MYO15A: variants seen among roughly 807,000 people sequenced by gnomAD.
The protein encoded by MYO15A is unconventional myosin-XV.
MYO15A carries 308 observed loss-of-function variants against 394.6 expected under a neutral mutation model. That is an observed-to-expected ratio of 0.78 (90% CI 0.71 to 0.86). The LOEUF is 0.86. Ranked by LOEUF, MYO15A falls within the 40% of genes least tolerant of loss-of-function variation. The pLI is 0.00. For synonymous variants in MYO15A, 1,957 were observed against 2,003.8 expected, an observed-to-expected ratio of 0.98 and a Z score of 0.62; for missense variants, 4,606 against 4,799.1, an observed-to-expected ratio of 0.96 and a Z score of 1.19.
Position 18,121,661 on chromosome 17 carries a change from C to T in MYO15A, c.2861C>T (p.Ser954Phe), listed in dbSNP as rs76735629. 2 of 1,373,076 alleles carry T rather than the reference C, an allele frequency of 1.5e-6. No homozygotes were observed. 85.1% of individuals were successfully genotyped at this position (1,373,076 alleles called of 1,614,324 possible). A position where few individuals can be genotyped will look rare whatever the true frequency, so the allele number is the denominator to read the frequency against. The change falls in exon 2 of 66, where the codon TCC becomes TTC. Residue 954 changes from serine (S) to phenylalanine (F), a missense_variant. By Grantham distance (155) the Ser-to-Phe change is radical (BLOSUM62 -2). This residue lies in a region of MYO15A where 1,830 missense variants were observed against 1,689.7 expected (regional missense o/e 1.08). Coordinates refer to ENST00000647165, the MANE Select transcript of MYO15A (RefSeq NM_016239.4). The surrounding 1 kb of genome is among the most constrained non-coding windows in gnomAD (Gnocchi z 5.3). The stretch of plus-strand genomic sequence containing the variant: ...GGTGCAGGCAGCCGCCGAGGCTTTT[C>T]CAGGCCACCCCCTGTGCCGGAAAAC... ...PGGAGSRRGF[S>F]RPPPVPENPF...
intron 7 of MYO15A, among the ~76,000 whole-genome samples, chr17:18,128,298 C>CTCAGGAG (rs1479498616): frequency 2.6e-5 from 4 of 152,170 alleles, no homozygotes; most frequent in African/African-American, 4.8e-5. Flanking sequence ...GCACCACCAG[C>CTCAGGAG]CTGGAGCTCA....
rs752465669 is a variant in MYO15A at position 18,122,265 on chromosome 17, C to G, written c.3465C>G (p.Ser1155=). The G allele has an allele frequency of 2.4e-5, 38 of 1,613,060 alleles. No homozygotes were observed. The highest frequency in any genetic ancestry group is 5.1e-6 in the Non-Finnish European group (6 of 1,180,024). The change falls in exon 2 of 66, where the codon TCC becomes TCG. Residue 1155 remains serine, a synonymous_variant. Coordinates refer to ENST00000647165, the MANE Select transcript of MYO15A (RefSeq NM_016239.4). ...CAAGAGCCTGTAGTCTTCGCTGGTC[C>G]TGCCTCTGGCTTCGGGCAGATGCCT... ...PKPRACSLRW[S]CLWLRADAYG...
chr17:18,152,212 AG>A (rs1447343315), intron 42 of MYO15A, 28 bp downstream of exon 42: 2 of 1,332,176 alleles, frequency 1.5e-6, no homozygotes, highest in African/African-American at 2.9e-5. Flanking sequence ...GAGGGAGGGG[AG>A]GGTGTCCAAG....
At position 18,139,739 on chromosome 17, in the gene MYO15A, C is replaced by T. The variant is rs1249246160; in HGVS notation, c.5211+128C>T. ...CCGCTTAGCTTTGGCCAGACAAAGA[C>T]AAGGGTGGCCTGGACACCCTGTTCC... On this transcript the variant is annotated intron_variant, in intron 19 of 65. Transcript: ENST00000647165. 2.6e-6 allele frequency: 3 copies of T among 1,134,996 alleles called. No homozygotes were observed. In the African/African-American group the frequency reaches 4.6e-5, roughly 17 times the overall value. The allele number at this position is 1,134,996 out of a possible 1,614,324, so 70.3% of individuals were successfully genotyped here.
chr17:18,138,573 AG>A (rs2046322117), intron 17 of MYO15A, among the ~76,000 whole-genome samples: 2 of 152,186 alleles, frequency 1.3e-5, no homozygotes, highest in African/African-American at 4.8e-5. Flanking sequence ...GTTGGCCTGG[AG>A]GGGAGGCAGT....
At position 18,158,563 on chromosome 17, in the gene MYO15A, A is replaced by T; in HGVS notation, c.9008A>T (p.Asp3003Val). Reference sequence around the variant, plus strand: ...GCCCGCTCTGCTGACCATGGGGAGGACGCCCTGGCGCTCCCACCCTACACA... The same window carrying T: ...GCCCGCTCTGCTGACCATGGGGAGGTCGCCCTGGCGCTCCCACCCTACACA... ...VRARSADHGE[D>V]ALALPPYTML... The change falls in exon 52 of 66, where the codon GAC (aspartate) becomes GTC (valine). Residue 3003 changes from aspartate (D) to valine (V), a missense_variant. Transcript: ENST00000647165. 6.2e-7 allele frequency: 1 copy of T among 1,613,994 alleles called. No individual in the cohort carries two copies. The highest frequency in any genetic ancestry group is 8.5e-7 in the Non-Finnish European group (1 of 1,179,978).
rs757155918 is a variant in MYO15A, at chr17:18,126,434, C to T, written c.3844C>T (p.Arg1282Trp). 4.6e-5 allele frequency: 75 copies of T among 1,613,680 alleles called. No individual in the cohort carries two copies. The highest frequency in any genetic ancestry group is 1.6e-4 in the Middle Eastern group (1 of 6,082). The change falls in exon 5 of 66, where the codon CGG becomes TGG. Residue 1282 changes from arginine (R) to tryptophan (W), a missense_variant. This residue lies in a region of MYO15A where 2,776 missense variants were observed against 3,109.3 expected (regional missense o/e 0.89). Transcript: ENST00000647165. ...GGAGCAGGTGCAGCAGTACAACGGA[C>T]GGGCCCTGGGAGAGAATCCCCCGTG... ...GPEQVQQYNG[R>W]ALGENPPHLF...
chr17:18,179,503 A>C lies in MYO15A; in HGVS notation c.*633A>C. On this transcript the variant is annotated 3_prime_UTR_variant, in exon 66 of 66. Transcript: ENST00000647165. ...ACTGCCTATGAACAGACCATCCCCCACTCCTTGGGTATCCCCAACCCCAGA... is the reference window on the plus strand; with the variant it reads ...ACTGCCTATGAACAGACCATCCCCCCCTCCTTGGGTATCCCCAACCCCAGA... The C allele has an allele frequency of 6.4e-6, 1 of 156,846 alleles. No individual in the cohort carries two copies. The highest frequency in any genetic ancestry group is 1.4e-5 in the Non-Finnish European group (1 of 70,742). The allele number at this position is 156,846 out of a possible 1,614,324, so 9.7% of individuals were successfully genotyped here.
chr17:18,125,538 CAAAAA>C, intron 4 of MYO15A: 1 of 283,682 alleles, frequency 3.5e-6, no homozygotes, highest in Non-Finnish European at 6.8e-6. Flanking sequence ...ACTAAAAATA[CAAAAA>C]AAAAAAAAAA....
In MYO15A at chr17:18,141,116, GC is replaced by G. The variant is rs769016969; in HGVS notation, c.5506del (p.Leu1836CysfsTer13). 3.2e-5 allele frequency: 52 copies of G among 1,613,786 alleles called. No individual in the cohort carries two copies. The highest frequency in any genetic ancestry group is 4.3e-5 in the Non-Finnish European group (51 of 1,180,040). ...ATCCGCAAGGAGGGATTTCCAGTGC[GC>G]CTGCCTTTCCAGGGGTTCATCGACA... is the stretch of plus-strand genomic sequence containing the variant. ...VRIRKEGFPV[R>X]LPFQGFIDRY... is the part of the protein sequence containing the mutation. On this transcript the variant is annotated frameshift_variant, in exon 22 of 66. Transcript: ENST00000647165. LOFTEE classifies it high-confidence loss of function.
rs1362203007 is a variant in MYO15A, at chr17:18,127,154, G to A, written c.4021G>A (p.Val1341Ile). 1 of 1,614,030 alleles carries A rather than the reference G, an allele frequency of 6.2e-7. No individual in the cohort carries two copies. The highest frequency in any genetic ancestry group is 8.5e-7 in the Non-Finnish European group (1 of 1,180,018). ...YLAAMNQKRE[V>I]MQQIKILEAT... is the part of the protein sequence containing the mutation. The stretch of plus-strand genomic sequence containing the variant: ...GGCCGCCATGAACCAGAAACGGGAG[G>A]TCATGCAGCAGGTGAGTCTACCTGT... The change falls in exon 7 of 66, where the codon GTC becomes ATC. Residue 1341 changes from valine (V) to isoleucine (I), a missense_variant. By Grantham distance (29) the Val-to-Ile change is conservative (BLOSUM62 3). Coordinates refer to ENST00000647165, the MANE Select transcript of MYO15A (RefSeq NM_016239.4).
intron 18 of MYO15A, 168 bp from the exon 19 acceptor site, chr17:18,139,366 C>G: frequency 1.3e-6 from 1 of 758,982 alleles, no homozygotes; most frequent in South Asian, 1.6e-5. Context: ...AGGCCAAGAC[C>G]CAGGTTGGTC....
Position 18,118,654 on chromosome 17 carries a change from C to G in MYO15A, c.-147C>G. ...CCCGGAATCCTGGCTCGGCCCTCCCCACGCCACCCAGGGCCAGTCGGGTCT... is the reference window on the plus strand; with the variant it reads ...CCCGGAATCCTGGCTCGGCCCTCCCGACGCCACCCAGGGCCAGTCGGGTCT... On this transcript the variant is annotated 5_prime_UTR_variant, in exon 2 of 66. Transcript: ENST00000647165. 1 of 1,268,512 alleles carries G rather than the reference C, an allele frequency of 7.9e-7. No individual in the cohort carries two copies. Among genetic ancestry groups the G allele is most frequent in the South Asian group, 1.5e-5 (1 of 68,428 alleles). The allele number at this position is 1,268,512 out of a possible 1,614,324, so 78.6% of individuals were successfully genotyped here. A position where few individuals can be genotyped will look rare whatever the true frequency, so the allele number is the denominator to read the frequency against.
At chr17:18,115,285 CT>C (rs1461806736) in intron 1 of MYO15A, among the ~76,000 whole-genome samples, 4 of 152,158 alleles carry the variant, frequency 2.6e-5, no homozygotes, top group Admixed American at 6.5e-5. Flanking sequence ...ACCCTCACTC[CT>C]GCAGCCGCTT....
At chr17:18,126,918 C>T in intron 6 of MYO15A, 53 bp downstream of exon 6, 2 of 1,607,410 alleles carry the variant, frequency 1.2e-6, no homozygotes, top group Non-Finnish European at 8.5e-7. Flanking sequence ...AGGTAGCAGG[C>T]CTGCATCTGG....
rs761033752 is a variant in MYO15A, at chr17:18,147,985, G to T, written c.6510-44G>T. 5.3e-5 allele frequency: 85 copies of T among 1,612,824 alleles called. 1 individual carries two copies. The highest frequency in any genetic ancestry group is 6.9e-5 in the Non-Finnish European group (81 of 1,179,264). ...CCCCGCAGCCCTCAGCCCCAAGCTA[G>T]CTTCAGATCCTTCTTGATCCTGGCT... On this transcript the variant is annotated intron_variant, in intron 30 of 65. Coordinates refer to ENST00000647165, the MANE Select transcript of MYO15A (RefSeq NM_016239.4). This position sits in a 1 kb window ranked among gnomAD's most constrained non-coding sequence, Gnocchi z 4.4.
Position 18,121,025 on chromosome 17 carries a change from G to A in MYO15A, c.2225G>A (p.Arg742Gln), listed in dbSNP as rs772776336. ...GACCTACTAGCCTTCCCAGGGCCCC[G>A]ACCCTCGTTCAGGGGCTCCCGCCGG... ...PPDLLAFPGPRPSFRGSRRRG... is the reference protein window; with the variant it reads ...PPDLLAFPGPQPSFRGSRRRG... The change falls in exon 2 of 66, where the codon CGA becomes CAA. Residue 742 changes from arginine (R) to glutamine (Q), a missense_variant. This residue lies in a region of MYO15A where 1,830 missense variants were observed against 1,689.7 expected (regional missense o/e 1.08). Transcript: ENST00000647165. The surrounding 1 kb of genome is among the most constrained non-coding windows in gnomAD (Gnocchi z 5.3). The A allele has an allele frequency of 6.6e-7, 1 of 1,508,886 alleles. No individual in the cohort carries two copies. 93.5% of individuals were successfully genotyped at this position (1,508,886 alleles called of 1,614,324 possible). A position where few individuals can be genotyped will look rare whatever the true frequency, so the allele number is the denominator to read the frequency against.
chr17:18,159,100 T>G, intron 53 of MYO15A, 103 bp downstream of exon 53: 2 of 1,418,976 alleles, frequency 1.4e-6, no homozygotes, highest in Non-Finnish European at 2.0e-6. Flanking sequence ...TGAGACCCTC[T>G]GATTCTCAGC....
In MYO15A at chr17:18,155,230, G is replaced by A. The variant is rs752773977; in HGVS notation, c.8340+5G>A. 3 of 1,613,818 alleles carry A rather than the reference G, an allele frequency of 1.9e-6. No homozygotes were observed. The highest frequency in any genetic ancestry group is 2.7e-5 in the African/African-American group (2 of 74,928). ...TCCCGCATCTTCCCCGCCACGGTGCGAGCCCCTCACTTGCCCCCTACCTGT... is the reference window on the plus strand; with the variant it reads ...TCCCGCATCTTCCCCGCCACGGTGCAAGCCCCTCACTTGCCCCCTACCTGT... On this transcript the variant is annotated splice_donor_5th_base_variant and intron_variant, in intron 46 of 65. Coordinates refer to ENST00000647165, the MANE Select transcript of MYO15A (RefSeq NM_016239.4).
Sources: allele counts gnomAD v4.1 joint callset (sites outside exome capture counted in the v4.1 genomes callset), GRCh38; gene constraint gnomAD v4.1.1; regional missense constraint gnomAD v4.1.1; non-coding constraint Gnocchi (gnomAD v3.1); transcripts MANE v1.5; gene names NCBI Gene and HGNC (gene_info 2026-07-23, HGNC 2026-07-21).